The following TANC1 variants were observed in gnomAD, a reference collection of about 807,000 sequenced individuals.
The protein encoded by TANC1 is protein TANC1.
In TANC1, 77 loss-of-function variants were observed where a neutral mutation model predicts 149.7. The observed-to-expected ratio is 0.51, with a 90% confidence interval of 0.43 to 0.62. The LOEUF (loss-of-function observed/expected upper bound fraction) is 0.62, where lower values mean the gene tolerates loss of function less well. TANC1 is among the 20% of genes least tolerant of loss of function. The pLI is 0.00. For synonymous variants in TANC1, 854 were observed against 925.0 expected (o/e 0.92, Z 1.39); for missense variants, 1,985 against 2,321.8 (o/e 0.85, Z 2.98).
At chr2:159,158,761 G>A (rs2053693564) in intron 7 of TANC1, among the ~76,000 whole-genome samples, 1 of 152,200 alleles carries the variant, frequency 6.6e-6, no homozygotes, top group East Asian at 1.9e-4. Flanking sequence ...ATAGCTAGTG[G>A]AAAGAGAGAA....
chr2:159,129,556 G>C (rs182166020), intron 4 of TANC1, among the ~76,000 whole-genome samples: 438 of 152,160 alleles, frequency 2.9e-3, no homozygotes, highest in Non-Finnish European at 5.1e-3. Context: ...CAGGTGCTTG[G>C]GTTTTGTTTT....
chr2:159,041,178 T>C (rs982230064), intron 2 of TANC1, among the ~76,000 whole-genome samples: 3 of 152,062 alleles, frequency 2.0e-5, no homozygotes, highest in African/African-American at 7.2e-5. Context: ...AGCACCCAGC[T>C]GTATGAGGTG....
At chr2:159,020,926 C>T (rs555465257) in intron 2 of TANC1, among the ~76,000 whole-genome samples, 25 of 151,680 alleles carry the variant, frequency 1.6e-4, no homozygotes, top group African/African-American at 5.8e-4. Context: ...TACCGTGGTG[C>T]TTCTACTTTT....
intron 18 of TANC1, 134 bp downstream of exon 18, chr2:159,196,927 C>T: frequency 1.3e-6 from 1 of 751,548 alleles, no homozygotes; most frequent in Non-Finnish European, 2.1e-6. Flanking sequence ...AGTAGAAGGT[C>T]TTCTATGGGC....
chr2:159,170,809 C>T lies in TANC1; in HGVS notation c.1351+4C>T, dbSNP rs182855378. ...AGCCCGGGTTCATCACCTAAAAGTACGTGCATGTTTAATTACTTGTCTAGT... is the reference window on the plus strand; with the variant it reads ...AGCCCGGGTTCATCACCTAAAAGTATGTGCATGTTTAATTACTTGTCTAGT... On this transcript the variant is annotated splice_donor_region_variant and intron_variant, in intron 10 of 26. Transcript: ENST00000263635. 86 of 1,610,902 alleles carry T rather than the reference C, an allele frequency of 5.3e-5. No individual in the cohort carries two copies. The African/African-American group carries it at 8.4e-4, about 16-fold the overall frequency.
intron 4 of TANC1, 44 bp downstream of exon 4, chr2:159,097,878 C>G: frequency 6.4e-7 from 1 of 1,553,662 alleles, no homozygotes; most frequent in Non-Finnish European, 8.8e-7. Context: ...ATATGTAGTA[C>G]CTGCATTGAA....
At chr2:158,985,385 A>G (rs2034880445) in intron 1 of TANC1, among the ~76,000 whole-genome samples, 1 of 152,210 alleles carries the variant, frequency 6.6e-6, no homozygotes, top group African/African-American at 2.4e-5. Flanking sequence ...TCAACAAATG[A>G]AGCTTTAAAG....
intron 2 of TANC1, among the ~76,000 whole-genome samples, chr2:159,018,087 A>G (rs1397178529): frequency 1.3e-5 from 2 of 152,208 alleles, no homozygotes; most frequent in Admixed American, 6.5e-5. Context: ...AGCCAGTTAC[A>G]TAGTGCTTGG....
At chr2:158,995,877 G>A (rs746646247) in intron 1 of TANC1, among the ~76,000 whole-genome samples, 8 of 152,062 alleles carry the variant, frequency 5.3e-5, no homozygotes, top group South Asian at 2.1e-4. Context: ...CCAGCCTGCC[G>A]TGCCCTGTGC....
chr2:159,116,826 G>T (rs1411091195), intron 4 of TANC1, among the ~76,000 whole-genome samples: 5 of 152,200 alleles, frequency 3.3e-5, no homozygotes, highest in African/African-American at 1.2e-4. Flanking sequence ...CAAGCCTGCA[G>T]CTTAGGTATG....
rs186586933 is a variant in TANC1, at chr2:159,130,290, A to T, written c.260-5904A>T. 2.6e-3 allele frequency among the ~76,000 whole-genome samples: 397 copies of T among 152,074 alleles called. 1 individual carries two copies. The highest frequency in any genetic ancestry group is 4.0e-3 in the Non-Finnish European group (273 of 67,994). On this transcript the variant is annotated intron_variant, in intron 4 of 26. Transcript: ENST00000263635. Reference sequence around the variant, plus strand: ...ATTACATTCTGGTTAATTTGGGGGGATTAATCTCATAACACTTGGTTTAAG... The same window carrying T: ...ATTACATTCTGGTTAATTTGGGGGGTTTAATCTCATAACACTTGGTTTAAG...
At chr2:159,229,262 G>A (rs1001002961) in intron 26 of TANC1, among the ~76,000 whole-genome samples, 9 of 152,070 alleles carry the variant, frequency 5.9e-5, no homozygotes, top group Non-Finnish European at 1.0e-4. Flanking sequence ...CTGAGAGATG[G>A]GCACAGTGTT....
intron 2 of TANC1, among the ~76,000 whole-genome samples, chr2:159,052,405 A>C (rs1338414587): frequency 6.6e-6 from 1 of 152,128 alleles, no homozygotes. Flanking sequence ...TGTATGTGAC[A>C]TACTCGCTCC....
At chr2:159,112,096 A>T (rs1169284249) in intron 4 of TANC1, among the ~76,000 whole-genome samples, 2 of 152,182 alleles carry the variant, frequency 1.3e-5, no homozygotes, top group Non-Finnish European at 2.9e-5. Flanking sequence ...AAAATAATTC[A>T]CTTTTTTCAG....
intron 5 of TANC1, chr2:159,147,470 G>A (rs908349983): frequency 3.9e-5 from 6 of 152,260 alleles, no homozygotes; most frequent in Admixed American, 2.0e-4. Flanking sequence ...CACCCCTTGG[G>A]TGTGCCTCTG....
chr2:159,097,811 C>G lies in TANC1; in HGVS notation c.236C>G (p.Ser79Ter), dbSNP rs776193769. 5.0e-6 allele frequency: 8 copies of G among 1,612,978 alleles called. No homozygotes were observed. The Admixed American group carries it at 1.3e-4, about 27-fold the overall frequency. ...CCTCGACAGTCTCACTTGGTGCAATCAAGAGTGAACAAAAAATCCCCAGGT... is the reference window on the plus strand; with the variant it reads ...CCTCGACAGTCTCACTTGGTGCAATGAAGAGTGAACAAAAAATCCCCAGGT... ...LLPRQSHLVQ[S>*]RVNKKSPGPV... The change falls in exon 4 of 27, where the codon TCA becomes TGA. Residue 79 changes from serine to a stop codon, truncating the protein, a stop_gained. Transcript: ENST00000263635. LOFTEE classifies it high-confidence loss of function.
chr2:159,216,611 C>T (rs986499680), intron 19 of TANC1, among the ~76,000 whole-genome samples: 1 of 152,158 alleles, frequency 6.6e-6, no homozygotes, highest in Non-Finnish European at 1.5e-5. Flanking sequence ...TGGGGATGCC[C>T]AGGCTGACGG....
chr2:159,092,065 C>A (rs1221079404), intron 3 of TANC1, among the ~76,000 whole-genome samples: 1 of 152,094 alleles, frequency 6.6e-6, no homozygotes, highest in Non-Finnish European at 1.5e-5. Flanking sequence ...GGTGCCCTAA[C>A]ACATTTAATG....
chr2:159,082,603 G>A (rs2044391110), intron 3 of TANC1, among the ~76,000 whole-genome samples: 1 of 152,140 alleles, frequency 6.6e-6, no homozygotes, highest in Admixed American at 6.5e-5. Flanking sequence ...TGGAGCAGAT[G>A]GGGGAAAAAG....
Sources: allele counts gnomAD v4.1 joint callset (sites outside exome capture counted in the v4.1 genomes callset), GRCh38; gene constraint gnomAD v4.1.1; transcripts MANE v1.5; gene names NCBI Gene and HGNC (gene_info 2026-07-23, HGNC 2026-07-21).